MRTFB: variants seen among roughly 807,000 people sequenced by gnomAD.
MRTFB encodes the protein myocardin-related transcription factor B.
In MRTFB, 29 loss-of-function variants were observed where a neutral mutation model predicts 104.2. The observed-to-expected ratio is 0.28, with a 90% CI of 0.21 to 0.38. The LOEUF (loss-of-function observed/expected upper bound fraction) is 0.38. MRTFB is among the 10% of genes least tolerant of loss of function. The pLI is 1.00. For missense variants in MRTFB, 1,270 were observed against 1,341.6 expected, an observed-to-expected ratio of 0.95 and a Z score of 0.83; for synonymous variants, 535 against 519.5, an observed-to-expected ratio of 1.03 and a Z score of -0.41.
chr16:14,241,495 C>T (rs1026133640), intron 10 of MRTFB: 5 of 152,182 alleles, frequency 3.3e-5, no homozygotes, highest in African/African-American at 1.2e-4. Flanking sequence ...TCATTTTCCT[C>T]ACTTTTCATG....
At chr16:14,092,597 A>T (rs978914620) in intron 2 of MRTFB, 3 of 152,090 alleles carry the variant, frequency 2.0e-5, no homozygotes, top group Non-Finnish European at 2.9e-5. Context: ...TGATTTTTTT[A>T]AAATTTTGTT....
rs1308772224 is a variant in MRTFB at position 14,209,025 on chromosome 16, CA to C, written c.155-1216del. Reference sequence around the variant, plus strand: ...AATAGATGATGACATTCATATCAAACAATGATAAAATATTTTTAAAAGCCAT... The same window carrying C: ...AATAGATGATGACATTCATATCAAACATGATAAAATATTTTTAAAAGCCAT... On this transcript the variant is annotated intron_variant, in intron 3 of 16. Transcript: ENST00000571589. Among the ~76,000 whole-genome samples the C allele has an allele frequency of 5.3e-5, 8 of 152,276 alleles. No individual in the cohort carries two copies. The East Asian group carries it at 1.5e-3, about 29-fold the overall frequency.
Position 14,263,947 on chromosome 16 carries a change from T to A in MRTFB, c.*2503T>A, listed in dbSNP as rs1235072967. On this transcript the variant is annotated 3_prime_UTR_variant, in exon 17 of 17. Transcript: ENST00000571589. ...CTCCACTACATGTTCCAGGTTGGAG[T>A]GAGGACGCGCTATGTGCTCACACTC... 6.6e-6 allele frequency: 1 copy of A among 151,952 alleles called. No homozygotes were observed. The highest frequency in any genetic ancestry group is 1.5e-5 in the Non-Finnish European group (1 of 68,022). 9.4% of individuals were successfully genotyped at this position (151,952 alleles called of 1,614,324 possible). A position where few individuals can be genotyped will look rare whatever the true frequency, so the allele number is the denominator to read the frequency against.
Position 14,171,554 on chromosome 16 carries a change from A to G in MRTFB, c.154+30794A>G, listed in dbSNP as rs192713084. Among the ~76,000 whole-genome samples the G allele has an allele frequency of 1.6e-3, 238 of 152,028 alleles. 1 individual carries two copies. Among genetic ancestry groups the G allele is most frequent in the Non-Finnish European group, 2.4e-3 (161 of 67,996 alleles). On this transcript the variant is annotated intron_variant, in intron 3 of 16. Coordinates refer to ENST00000571589, the MANE Select transcript of MRTFB (RefSeq NM_001308142.2). ...TCTGTTTCTGGCACTATCACTGTAT[A>G]TATTAAAAACCAGATATCCTTAATG... is the stretch of plus-strand genomic sequence containing the variant.
At chr16:14,242,562 G>A (rs564597678) in intron 10 of MRTFB, among the ~76,000 whole-genome samples, 2 of 152,236 alleles carry the variant, frequency 1.3e-5, no homozygotes, top group East Asian at 3.9e-4. Flanking sequence ...CATAGTGGTG[G>A]GAGTTTACCT....
At chr16:14,067,599 G>T (rs914377884), upstream of MRTFB, among the ~76,000 whole-genome samples, 3 of 152,032 alleles carry the variant, frequency 2.0e-5, no homozygotes, top group Non-Finnish European at 2.9e-5. Context: ...TTTTGCCTAT[G>T]AAGTGACTTC....
At chr16:14,053,528 C>G in the MRTFB span, among the ~76,000 whole-genome samples, 8 of 152,014 alleles carry the variant, frequency 5.3e-5, no homozygotes, top group Admixed American at 2.6e-4. Context: ...GTCAGGAGTT[C>G]GAGACCAGTC....
At chr16:14,156,590 G>T (rs2038835842) in intron 3 of MRTFB, among the ~76,000 whole-genome samples, 1 of 152,148 alleles carries the variant, frequency 6.6e-6, no homozygotes, top group Non-Finnish European at 1.5e-5. Flanking sequence ...GGAGATAATG[G>T]CATGGTCATT....
the MRTFB span, among the ~76,000 whole-genome samples, chr16:14,066,256 A>AT: frequency 4.9e-4 from 73 of 150,294 alleles, no homozygotes; most frequent in Admixed American, 2.8e-3. Flanking sequence ...ATTTTTATTG[A>AT]TTTTTTTATT....
Position 14,264,723 on chromosome 16 carries a change from T to C in MRTFB, c.*3279T>C, listed in dbSNP as rs936003220. 1.6e-4 allele frequency: 25 copies of C among 152,222 alleles called. No homozygotes were observed. Among genetic ancestry groups the C allele is most frequent in the African/African-American group, 6.0e-4 (25 of 41,446 alleles). 9.4% of individuals were successfully genotyped at this position (152,222 alleles called of 1,614,324 possible). A position where few individuals can be genotyped will look rare whatever the true frequency, so the allele number is the denominator to read the frequency against. On this transcript the variant is annotated 3_prime_UTR_variant, in exon 17 of 17. Transcript: ENST00000571589. ...AACAGTGGCAAAGGCAGGGTGGTGC[T>C]GCCTGCAAGCTGCTGCCTATGGAAG...
chr16:14,083,127 ATTGTTTTC>A (rs1306791903), intron 2 of MRTFB, among the ~76,000 whole-genome samples: 1 of 151,434 alleles, frequency 6.6e-6, no homozygotes, highest in Non-Finnish European at 1.5e-5. Context: ...TGTAAATAGG[ATTGTTTTC>A]TTGATTTTTT....
intron 2 of MRTFB, among the ~76,000 whole-genome samples, chr16:14,109,342 G>A (rs959036195): frequency 3.3e-5 from 5 of 152,092 alleles, no homozygotes; most frequent in Non-Finnish European, 4.4e-5. Context: ...CTAAGCAAAC[G>A]GATGTACTCA....
chr16:14,048,215 A>G, the MRTFB span, among the ~76,000 whole-genome samples: 17 of 152,220 alleles, frequency 1.1e-4, no homozygotes, highest in African/African-American at 4.1e-4. Context: ...CTGATGCAAG[A>G]GGTGGGTTCC....
the MRTFB span, among the ~76,000 whole-genome samples, chr16:14,046,228 A>G: frequency 6.6e-6 from 1 of 152,118 alleles, no homozygotes; most frequent in Non-Finnish European, 1.5e-5. Flanking sequence ...CCGGAGGCCG[A>G]GATGGGAGGA....
the MRTFB span, among the ~76,000 whole-genome samples, chr16:14,038,242 A>C: frequency 6.6e-6 from 1 of 152,180 alleles, no homozygotes; most frequent in African/African-American, 2.4e-5. Flanking sequence ...TCTTATTATA[A>C]AAACACCAGT....
chr16:14,245,819 T>C (rs924135448), intron 11 of MRTFB, among the ~76,000 whole-genome samples, 159 bp downstream of exon 11: 1 of 152,258 alleles, frequency 6.6e-6, no homozygotes, highest in Non-Finnish European at 1.5e-5. Context: ...TTACTTCCAC[T>C]AAGTTTTCTT....
At chr16:14,093,890 C>A (rs529054173) in intron 2 of MRTFB, among the ~76,000 whole-genome samples, 1 of 152,148 alleles carries the variant, frequency 6.6e-6, no homozygotes, top group East Asian at 1.9e-4. Context: ...TCTGGAGGCA[C>A]CCCTTATCAG....
At chr16:14,196,047 C>G (rs1457163380) in intron 3 of MRTFB, among the ~76,000 whole-genome samples, 2 of 152,226 alleles carry the variant, frequency 1.3e-5, no homozygotes, top group Non-Finnish European at 2.9e-5. Flanking sequence ...TACCAGGCCC[C>G]TGGCTTGACA....
chr16:14,169,281 G>A (rs1414590253), intron 3 of MRTFB, among the ~76,000 whole-genome samples: 1 of 151,998 alleles, frequency 6.6e-6, no homozygotes, highest in East Asian at 1.9e-4. Context: ...ATTTGAGTAG[G>A]AACAAATTAT....
Sources: allele counts gnomAD v4.1 joint callset (sites outside exome capture counted in the v4.1 genomes callset), GRCh38; gene constraint gnomAD v4.1.1; transcripts MANE v1.5; gene names NCBI Gene and HGNC (gene_info 2026-07-23, HGNC 2026-07-21).